NRG3: variants seen among roughly 807,000 people sequenced by gnomAD.
NRG3 encodes the protein pro-neuregulin-3, membrane-bound isoform.
Under a neutral mutation model 66.9 loss-of-function variants are expected in NRG3, and 31 were observed. The ratio of observed to expected loss-of-function variants is 0.46; its 90% CI spans 0.35 to 0.63. The LOEUF is 0.63. Among genes scored for constraint, NRG3 ranks in the 20% least tolerant of loss-of-function variants. The pLI, the probability that NRG3 is intolerant of heterozygous loss-of-function variation, is 0.00. For missense variants in NRG3, 910 were observed against 878.9 expected, an observed-to-expected ratio of 1.04 and a Z score of -0.45; for synonymous variants, 393 against 359.4, an observed-to-expected ratio of 1.09 and a Z score of -1.06.
chr10:82,196,284 C>T (rs2074443028), intron 1 of NRG3, among the ~76,000 whole-genome samples: 1 of 152,182 alleles, frequency 6.6e-6, no homozygotes, highest in Non-Finnish European at 1.5e-5. Flanking sequence ...TCAGTTTCCT[C>T]AGCCTGACAT....
chr10:82,665,603 G>A (rs1398633980), intron 2 of NRG3, among the ~76,000 whole-genome samples: 1 of 152,032 alleles, frequency 6.6e-6, no homozygotes, highest in Non-Finnish European at 1.5e-5. Context: ...AGCATCTTTA[G>A]TCCTTTGATC....
At chr10:82,078,593 G>A (rs534942510) in intron 1 of NRG3, among the ~76,000 whole-genome samples, 6 of 152,114 alleles carry the variant, frequency 3.9e-5, no homozygotes, top group African/African-American at 1.2e-4. Context: ...CTCGTGATCC[G>A]ACCGCCTTGG....
intron 1 of NRG3, among the ~76,000 whole-genome samples, chr10:81,976,405 C>A (rs2060125879): frequency 6.6e-6 from 1 of 152,058 alleles, no homozygotes; most frequent in East Asian, 1.9e-4. Flanking sequence ...ATTTCTCGAG[C>A]TTTTATTATG....
rs544025311 is a variant in NRG3, at chr10:82,348,710, A to C, written c.824-10029A>C. 3.0e-4 allele frequency among the ~76,000 whole-genome samples: 45 copies of C among 150,978 alleles called. No individual in the cohort carries two copies. The East Asian group carries it at 8.2e-3, about 28-fold the overall frequency. On this transcript the variant is annotated intron_variant, in intron 1 of 8. Transcript: ENST00000372141. ...CCCATCACTTTCAGGTACACCAATCAGACGTAGATTTGGTCTTTTCACATA... is the reference window on the plus strand; with the variant it reads ...CCCATCACTTTCAGGTACACCAATCCGACGTAGATTTGGTCTTTTCACATA...
intron 4 of NRG3, among the ~76,000 whole-genome samples, chr10:82,892,523 A>G (rs969985224): frequency 1.3e-5 from 2 of 152,008 alleles, no homozygotes; most frequent in African/African-American, 4.8e-5. Flanking sequence ...AAAATTAGCC[A>G]TGAGTGGTGG....
At chr10:82,462,461 A>G (rs912130223) in intron 2 of NRG3, among the ~76,000 whole-genome samples, 3 of 152,186 alleles carry the variant, frequency 2.0e-5, no homozygotes, top group African/African-American at 7.2e-5. Flanking sequence ...TCATGGAGCC[A>G]ATAAAGGACT....
intron 1 of NRG3, among the ~76,000 whole-genome samples, chr10:81,884,672 T>C (rs1842466471): frequency 6.6e-6 from 1 of 152,192 alleles, no homozygotes; most frequent in African/African-American, 2.4e-5. Context: ...CCTTAGGTTA[T>C]ATGCAAATAC....
At chr10:82,928,703 CA>C (rs1392186123) in intron 4 of NRG3, among the ~76,000 whole-genome samples, 1 of 151,244 alleles carries the variant, frequency 6.6e-6, no homozygotes, top group African/African-American at 2.4e-5. Flanking sequence ...TATTGTAGTA[CA>C]AAAGCAACCA....
chr10:82,158,979 A>C (rs2071380379), intron 1 of NRG3, among the ~76,000 whole-genome samples: 1 of 151,940 alleles, frequency 6.6e-6, no homozygotes, highest in Admixed American at 6.6e-5. Context: ...CATGAAGAGC[A>C]TGAAACAAGA....
intron 2 of NRG3, among the ~76,000 whole-genome samples, chr10:82,455,615 T>A (rs1166641625): frequency 1.5e-5 from 2 of 137,056 alleles, no homozygotes; most frequent in Non-Finnish European, 3.2e-5. Flanking sequence ...TACACTAAAC[T>A]TTTTTTTTTT....
chr10:82,559,723 AT>A (rs1292072902), intron 2 of NRG3, among the ~76,000 whole-genome samples: 1 of 152,218 alleles, frequency 6.6e-6, no homozygotes, highest in Admixed American at 6.5e-5. Context: ...ATATAAAATC[AT>A]TTTATGTACA....
intron 4 of NRG3, among the ~76,000 whole-genome samples, chr10:82,950,732 A>C (rs1037655788): frequency 6.6e-6 from 1 of 152,240 alleles, no homozygotes; most frequent in African/African-American, 2.4e-5. Flanking sequence ...GGTTCTACGG[A>C]TACAAAGTCT....
chr10:82,882,288 C>G (rs1269948425), intron 4 of NRG3, among the ~76,000 whole-genome samples: 1 of 152,178 alleles, frequency 6.6e-6, no homozygotes, highest in Non-Finnish European at 1.5e-5. Context: ...ACACAAACGA[C>G]ATTATCTCAT....
chr10:82,753,259 A>G (rs2058946567), intron 3 of NRG3, among the ~76,000 whole-genome samples: 1 of 152,132 alleles, frequency 6.6e-6, no homozygotes, highest in Admixed American at 6.5e-5. Flanking sequence ...ACATGAAAAC[A>G]TCTTTTTATA....
At chr10:82,688,847 G>A (rs2054708572) in intron 2 of NRG3, among the ~76,000 whole-genome samples, 1 of 151,600 alleles carries the variant, frequency 6.6e-6, no homozygotes, top group African/African-American at 2.4e-5. Flanking sequence ...TTATTGTTGT[G>A]TATTATAGGT....
chr10:82,455,577 G>A (rs1043413689), intron 2 of NRG3, among the ~76,000 whole-genome samples: 3 of 151,840 alleles, frequency 2.0e-5, no homozygotes, highest in Admixed American at 6.6e-5. Flanking sequence ...ACACTACTAT[G>A]GACTTCATAA....
intron 2 of NRG3, among the ~76,000 whole-genome samples, chr10:82,553,702 G>A (rs765973952): frequency 7.9e-5 from 12 of 152,100 alleles, no homozygotes; most frequent in Non-Finnish European, 1.6e-4. Flanking sequence ...AATAACTCAC[G>A]GAAGTCTGAA....
At chr10:81,894,746 G>A (rs532462931) in intron 1 of NRG3, among the ~76,000 whole-genome samples, 26 of 152,246 alleles carry the variant, frequency 1.7e-4, no homozygotes, top group East Asian at 9.7e-4. Context: ...TTCTGTCCTC[G>A]TTTCCACTGT....
chr10:81,908,712 G>A (rs997223571), intron 1 of NRG3, among the ~76,000 whole-genome samples: 4 of 152,134 alleles, frequency 2.6e-5, no homozygotes, highest in Admixed American at 2.6e-4. Flanking sequence ...GGATGAAAAA[G>A]GAGAGAAACT....
Sources: gnomAD v4.1 joint callset for allele counts (sites outside exome capture counted in the v4.1 genomes callset) on GRCh38, gnomAD v4.1.1 for gene constraint, MANE v1.5 for transcripts, NCBI Gene and HGNC (gene_info 2026-07-23, HGNC 2026-07-21) for gene names.